WDR25: variants seen among roughly 807,000 people sequenced by gnomAD.
WDR25 encodes WD repeat-containing protein 25.
Under a neutral mutation model 47.7 loss-of-function variants are expected in WDR25, and 35 were observed. The ratio of observed to expected loss-of-function variants is 0.73; its 90% CI spans 0.56 to 0.97. The LOEUF (loss-of-function observed/expected upper bound fraction) is 0.97. WDR25 is among the 50% of genes least tolerant of loss of function. WDR25 has a pLI of 0.00. For missense variants in WDR25, 634 were observed against 704.7 expected (o/e 0.90, Z 1.14); for synonymous variants, 248 against 278.9 (o/e 0.89, Z 1.10).
intron 2 of WDR25, among the ~76,000 whole-genome samples, chr14:100,399,357 G>A (rs1023933773): frequency 2.0e-5 from 3 of 152,146 alleles, no homozygotes; most frequent in Admixed American, 6.5e-5. Context: ...AGCCTAGGAC[G>A]TTTCCTTCCA....
rs975499285 is a variant in WDR25, at chr14:100,529,780, A to T, written c.1414-40A>T. 1 of 1,593,940 alleles carries T rather than the reference A, an allele frequency of 6.3e-7. No individual in the cohort carries two copies. Among genetic ancestry groups the T allele is most frequent in the Non-Finnish European group, 8.5e-7 (1 of 1,169,674 alleles). On this transcript the variant is annotated intron_variant, in intron 6 of 6. Transcript: ENST00000402312. This position sits in a 1 kb window ranked among gnomAD's most constrained non-coding sequence, Gnocchi z 5.1. ...GAATGGGCATACTCACCCCGGCTTG[A>T]CAGGTGCGGCTTGCTCACCCACTGT...
At chr14:100,386,503 C>T (rs758735186) in intron 2 of WDR25, among the ~76,000 whole-genome samples, 3 of 152,200 alleles carry the variant, frequency 2.0e-5, no homozygotes, top group African/African-American at 4.8e-5. Context: ...CATGTTGTTT[C>T]CTATAATTTC....
chr14:100,433,128 A>T (rs12100728), intron 2 of WDR25, among the ~76,000 whole-genome samples: 2,311 of 152,334 alleles, frequency 0.015, 60 homozygotes, highest in African/African-American at 0.053. Flanking sequence ...CCTTATTGAT[A>T]TTTTGTCAAC....
At chr14:100,471,917 C>A (rs1444586656) in intron 3 of WDR25, among the ~76,000 whole-genome samples, 3 of 152,220 alleles carry the variant, frequency 2.0e-5, no homozygotes, top group Non-Finnish European at 4.4e-5. Context: ...AACAAAACGT[C>A]TGTGGCACGT....
intron 3 of WDR25, among the ~76,000 whole-genome samples, chr14:100,473,540 G>A (rs936095238): frequency 1.3e-5 from 2 of 152,230 alleles, no homozygotes; most frequent in African/African-American, 4.8e-5. Flanking sequence ...CCTCTGGGAA[G>A]AAGGAGTGCT....
rs115496063 is a variant in WDR25 at position 100,523,442 on chromosome 14, G to A, written c.1102-2428G>A. On this transcript the variant is annotated intron_variant, in intron 4 of 6. Coordinates refer to ENST00000402312, the MANE Select transcript of WDR25 (RefSeq NM_001161476.3). This position sits in a 1 kb window ranked among gnomAD's most constrained non-coding sequence, Gnocchi z 4.7. ...GGGTGAGGGATAGCTGGGTGCATCC[G>A]CCAGTCCTTCTTCTTTCTGAGGACC... Among the ~76,000 whole-genome samples the A allele has an allele frequency of 1.4e-3, 218 of 152,280 alleles. 1 individual carries two copies. The highest frequency in any genetic ancestry group is 5.0e-3 in the African/African-American group (209 of 41,566).
At chr14:100,510,840 T>A (rs540994784) in intron 4 of WDR25, among the ~76,000 whole-genome samples, 171 of 151,734 alleles carry the variant, frequency 1.1e-3, no homozygotes, top group Admixed American at 3.3e-3. Flanking sequence ...TGGCTTCAAG[T>A]GATCCTCTTT....
chr14:100,479,234 A>G (rs1005218793), intron 3 of WDR25, among the ~76,000 whole-genome samples: 2 of 152,096 alleles, frequency 1.3e-5, no homozygotes, highest in African/African-American at 4.8e-5. Flanking sequence ...AGTCCCTGGC[A>G]TAGGCACATG....
chr14:100,427,144 G>T (rs1013517207), intron 2 of WDR25, among the ~76,000 whole-genome samples: 1 of 152,090 alleles, frequency 6.6e-6, no homozygotes, highest in African/African-American at 2.4e-5. Context: ...GAGCCGTGCT[G>T]TCCTTCACCC....
In WDR25 at chr14:100,459,882, ATG is replaced by A. The variant is rs1196765655; in HGVS notation, c.823-8127_823-8126del. 1.3e-3 allele frequency among the ~76,000 whole-genome samples: 97 copies of A among 72,064 alleles called. 1 individual carries two copies. The highest frequency in any genetic ancestry group is 2.2e-3 in the South Asian group (5 of 2,308). 47.3% of individuals were successfully genotyped at this position (72,064 alleles called of 152,430 possible). ...AATGGATATATATATATATCCGTAT[ATG>A]TGTGTGTGTGTATATATATATATAT... On this transcript the variant is annotated intron_variant, in intron 2 of 6. Coordinates refer to ENST00000402312, the MANE Select transcript of WDR25 (RefSeq NM_001161476.3).
At chr14:100,391,827 A>G (rs1285165330) in intron 2 of WDR25, among the ~76,000 whole-genome samples, 2 of 152,126 alleles carry the variant, frequency 1.3e-5, no homozygotes, top group Non-Finnish European at 2.9e-5. Context: ...GGTCAAAACT[A>G]TTTTCATAAT....
intron 2 of WDR25, among the ~76,000 whole-genome samples, chr14:100,460,427 A>C (rs1421462269): frequency 6.6e-6 from 1 of 152,178 alleles, no homozygotes; most frequent in Non-Finnish European, 1.5e-5. Flanking sequence ...AAAATTTTTA[A>C]ATAAAATTTT....
At chr14:100,528,404 A>G (rs968275344) in intron 5 of WDR25, among the ~76,000 whole-genome samples, 2 of 149,500 alleles carry the variant, frequency 1.3e-5, no homozygotes, top group African/African-American at 4.9e-5. Context: ...TGTTTGTCAC[A>G]TCTCTGCGCC....
chr14:100,469,347 A>G (rs1364110162), intron 3 of WDR25, among the ~76,000 whole-genome samples: 2 of 152,096 alleles, frequency 1.3e-5, no homozygotes, highest in African/African-American at 4.8e-5. Context: ...GGACAGTACT[A>G]ATGGTCACAG....
chr14:100,377,231 A>G (rs1025182709), intron 1 of WDR25, among the ~76,000 whole-genome samples: 5 of 152,174 alleles, frequency 3.3e-5, no homozygotes, highest in African/African-American at 1.2e-4. Context: ...CCATTAGTTT[A>G]TAATTAGTCT....
intron 4 of WDR25, among the ~76,000 whole-genome samples, chr14:100,484,463 GGTGTGTGTGT>G (rs5810998): frequency 1.3e-5 from 2 of 150,258 alleles, no homozygotes; most frequent in Non-Finnish European, 3.0e-5. Flanking sequence ...ACAGAGAATT[GGTGTGTGTGT>G]GTGTGTGTGT....
intron 3 of WDR25, among the ~76,000 whole-genome samples, chr14:100,480,042 G>A (rs1353398241): frequency 1.3e-5 from 2 of 152,116 alleles, no homozygotes; most frequent in African/African-American, 2.4e-5. Context: ...AAAAGGTCGG[G>A]GACTGCTTCG....
At chr14:100,399,574 C>T (rs1278888041) in intron 2 of WDR25, among the ~76,000 whole-genome samples, 1 of 152,188 alleles carries the variant, frequency 6.6e-6, no homozygotes, top group Non-Finnish European at 1.5e-5. Context: ...ATCTTCTATG[C>T]CTTTCCCTGC....
At chr14:100,385,071 T>C (rs1896989157) in intron 2 of WDR25, among the ~76,000 whole-genome samples, 1 of 152,230 alleles carries the variant, frequency 6.6e-6, no homozygotes, top group Non-Finnish European at 1.5e-5. Context: ...TTCCTGCTTT[T>C]CCCCAAGAAT....
Sources: gnomAD v4.1 joint callset for allele counts (sites outside exome capture counted in the v4.1 genomes callset) on GRCh38, gnomAD v4.1.1 for gene constraint, Gnocchi (gnomAD v3.1) non-coding constraint, MANE v1.5 for transcripts, NCBI Gene and HGNC (gene_info 2026-07-23, HGNC 2026-07-21) for gene names.